MCPH1: variants seen among roughly 807,000 people sequenced by gnomAD.
MCPH1 encodes microcephalin 1.
MCPH1 carries 104 observed loss-of-function variants against 84.5 expected under a neutral mutation model. That is an observed-to-expected ratio of 1.23 (90% CI 1.05 to 1.45). The LOEUF is 1.45. Ranked by LOEUF, MCPH1 falls within the 40% of genes most tolerant of loss-of-function variation. The pLI is 0.00. For synonymous variants in MCPH1, 514 were observed against 366.8 expected (o/e 1.40, Z -4.58); for missense variants, 1,498 against 1,005.7 (o/e 1.49, Z -6.62).
At chr8:6,535,025 C>A (rs1422457209) in intron 12 of MCPH1, among the ~76,000 whole-genome samples, 1 of 152,166 alleles carries the variant, frequency 6.6e-6, no homozygotes, top group Non-Finnish European at 1.5e-5. Context: ...AAGTTTCATT[C>A]CGGGAGGCTT....
At chr8:6,623,070 C>G (rs1831641324) in intron 13 of MCPH1, among the ~76,000 whole-genome samples, 1 of 128,498 alleles carries the variant, frequency 7.8e-6, no homozygotes, top group Non-Finnish European at 1.6e-5. Context: ...CCAGGATAGT[C>G]TCAAACTCCG....
intron 9 of MCPH1, among the ~76,000 whole-genome samples, chr8:6,468,393 A>C (rs1215597616): frequency 6.6e-6 from 1 of 152,116 alleles, no homozygotes; most frequent in African/African-American, 2.4e-5. Flanking sequence ...CCGCAGGCTT[A>C]TTCTTACTCT....
chr8:6,618,163 A>C (rs2129580267), intron 12 of MCPH1, among the ~76,000 whole-genome samples: 1 of 152,376 alleles, frequency 6.6e-6, no homozygotes, highest in East Asian at 1.9e-4. Context: ...TTGACTTCAG[A>C]ATTTGTGCGT....
At chr8:6,465,994 G>A (rs899546000) in intron 9 of MCPH1, among the ~76,000 whole-genome samples, 3 of 150,504 alleles carry the variant, frequency 2.0e-5, no homozygotes, top group South Asian at 2.1e-4. Flanking sequence ...TCGCTCTGTC[G>A]CCCAGGCTGG....
At chr8:6,427,087 G>T (rs1271575576) in intron 3 of MCPH1, among the ~76,000 whole-genome samples, 3 of 152,194 alleles carry the variant, frequency 2.0e-5, no homozygotes, top group Non-Finnish European at 2.9e-5. Flanking sequence ...TACAGCATGT[G>T]CAGTTGTGAA....
At chr8:6,503,129 G>C (rs1287157101) in intron 12 of MCPH1, 2 of 1,614,082 alleles carry the variant, frequency 1.2e-6, no homozygotes, top group Non-Finnish European at 1.7e-6. Flanking sequence ...GATCATCATG[G>C]TTGTGGCCTT....
chr8:6,547,233 C>A (rs1822765368), intron 12 of MCPH1, among the ~76,000 whole-genome samples: 1 of 152,084 alleles, frequency 6.6e-6, no homozygotes, highest in Non-Finnish European at 1.5e-5. Flanking sequence ...AATTTACTTG[C>A]ATGCCACAGC....
intron 12 of MCPH1, among the ~76,000 whole-genome samples, chr8:6,557,430 A>G (rs928755438): frequency 1.3e-5 from 2 of 152,166 alleles, no homozygotes; most frequent in African/African-American, 4.8e-5. Context: ...TGCCTTCGTG[A>G]TGACTGGTGT....
chr8:6,437,552 G>T (rs960485894), intron 5 of MCPH1, among the ~76,000 whole-genome samples: 9 of 152,166 alleles, frequency 5.9e-5, no homozygotes, highest in Admixed American at 5.9e-4. Flanking sequence ...AATCTGTGAC[G>T]ATAATGCGAC....
intron 12 of MCPH1, among the ~76,000 whole-genome samples, chr8:6,557,310 T>C (rs1408443690): frequency 1.3e-5 from 2 of 152,092 alleles, no homozygotes; most frequent in African/African-American, 4.8e-5. Context: ...TATACAGGCT[T>C]GCATCCACCA....
chr8:6,532,865 C>A (rs778357168), intron 12 of MCPH1, among the ~76,000 whole-genome samples: 2 of 152,202 alleles, frequency 1.3e-5, no homozygotes, highest in Non-Finnish European at 2.9e-5. Flanking sequence ...TCTGACCATG[C>A]AGTCAGGAAA....
chr8:6,481,894 G>A (rs1216776557), intron 11 of MCPH1, among the ~76,000 whole-genome samples: 1 of 152,136 alleles, frequency 6.6e-6, no homozygotes, highest in Non-Finnish European at 1.5e-5. Flanking sequence ...AGGTACCATG[G>A]TCTGAAAATA....
intron 13 of MCPH1, among the ~76,000 whole-genome samples, chr8:6,637,552 G>A (rs566993107): frequency 8.5e-5 from 13 of 152,316 alleles, no homozygotes; most frequent in African/African-American, 2.6e-4. Flanking sequence ...CACCTTAACA[G>A]ACAACAGCAA....
intron 12 of MCPH1, among the ~76,000 whole-genome samples, chr8:6,521,007 G>A (rs1054565985): frequency 6.6e-6 from 1 of 152,030 alleles, no homozygotes; most frequent in South Asian, 2.1e-4. Flanking sequence ...ATAATAATTA[G>A]TATAACATAT....
chr8:6,558,879 C>T (rs1320531254), intron 12 of MCPH1, among the ~76,000 whole-genome samples: 1 of 151,984 alleles, frequency 6.6e-6, no homozygotes, highest in African/African-American at 2.4e-5. Context: ...TGTATAGGCA[C>T]ATATCATACT....
chr8:6,528,300 A>G (rs767759897), intron 12 of MCPH1, among the ~76,000 whole-genome samples: 13 of 152,338 alleles, frequency 8.5e-5, no homozygotes, highest in Non-Finnish European at 1.3e-4. Context: ...ATTTCATACA[A>G]TGAGACAAGT....
chr8:6,613,313 G>A (rs1830463704), intron 12 of MCPH1, among the ~76,000 whole-genome samples: 1 of 152,248 alleles, frequency 6.6e-6, no homozygotes, highest in African/African-American at 2.4e-5. Flanking sequence ...GGGCCACACG[G>A]CCAACGGTCA....
chr8:6,607,394 G>T (rs771972376), intron 12 of MCPH1, among the ~76,000 whole-genome samples: 23 of 152,140 alleles, frequency 1.5e-4, no homozygotes, highest in Non-Finnish European at 2.9e-5. Context: ...GTTTCTGTGG[G>T]TCTTCCTTTC....
chr8:6,582,241 TTGCATACACAAAG>T (rs1341871936), intron 12 of MCPH1, among the ~76,000 whole-genome samples: 3 of 152,210 alleles, frequency 2.0e-5, no homozygotes, highest in Non-Finnish European at 2.9e-5. Context: ...GAATTACGCC[TTGCATACACAAAG>T]TGCTCAATAA....
Sources: allele counts gnomAD v4.1 joint callset (sites outside exome capture counted in the v4.1 genomes callset), GRCh38; gene constraint gnomAD v4.1.1; transcripts MANE v1.5; gene names NCBI Gene and HGNC (gene_info 2026-07-23, HGNC 2026-07-21).